TBCE: variants seen among roughly 807,000 people sequenced by gnomAD.
TBCE encodes tubulin folding cofactor E, also known as tubulin-specific chaperone E.
TBCE carries 53 observed loss-of-function variants against 77.0 expected under a neutral mutation model. That is an observed-to-expected ratio of 0.69 (90% CI 0.55 to 0.87). TBCE has a LOEUF of 0.87. TBCE is among the 40% of genes least tolerant of loss of function. TBCE has a pLI of 0.00. For synonymous variants in TBCE, 235 were observed against 241.3 expected, an observed-to-expected ratio of 0.97 and a Z score of 0.24; for missense variants, 624 against 622.4, an observed-to-expected ratio of 1.00 and a Z score of -0.03.
intron 11 of TBCE, 92 bp from the exon 12 acceptor site, chr1:235,437,230 C>G: frequency 6.6e-7 from 1 of 1,509,058 alleles, no homozygotes; most frequent in Non-Finnish European, 9.2e-7. Flanking sequence ...CAGATTAGAA[C>G]TAGGGACATG....
Position 235,448,363 on chromosome 1 carries a change from C to G in TBCE, c.1414C>G (p.Gln472Glu). ...EKQLPGSMTI[Q>E]KVKGLLSRLL... ...TCTTTTGATAGGCTCCATGACAATT[C>G]AAAAGGTGAAGGGATTGCTGTCACG... The change falls in exon 16 of 17, where the codon CAA (glutamine) becomes GAA (glutamate). Residue 472 changes from glutamine (Q) to glutamate (E), a missense_variant. Coordinates refer to ENST00000642610, the MANE Select transcript of TBCE (RefSeq NM_003193.5). 1 of 1,613,936 alleles carries G rather than the reference C, an allele frequency of 6.2e-7. No individual in the cohort carries two copies.
intron 2 of TBCE, among the ~76,000 whole-genome samples, chr1:235,392,561 C>G (rs558183043): frequency 7.3e-5 from 11 of 151,596 alleles, no homozygotes; most frequent in Admixed American, 2.0e-4. Context: ...CAGGCACCCC[C>G]CTCCATGCCC....
intron 7 of TBCE, among the ~76,000 whole-genome samples, chr1:235,432,495 C>T (rs1296439485): frequency 6.6e-6 from 1 of 151,648 alleles, no homozygotes; most frequent in Non-Finnish European, 1.5e-5. Context: ...AAGAAGGGGC[C>T]AGACACTGGC....
intron 13 of TBCE, among the ~76,000 whole-genome samples, chr1:235,439,586 C>G (rs1173819873): frequency 6.8e-6 from 1 of 146,000 alleles, no homozygotes; most frequent in Admixed American, 6.9e-5. Flanking sequence ...CTCCCGGGTT[C>G]AATTTATTCT....
chr1:235,450,568 T>C lies in TBCE; in HGVS notation c.*1806T>C. 1 of 496,468 alleles carries C rather than the reference T, an allele frequency of 2.0e-6. No individual in the cohort carries two copies. The highest frequency in any genetic ancestry group is 3.6e-6 in the Non-Finnish European group (1 of 276,048). The allele number at this position is 496,468 out of a possible 1,614,324, so 30.8% of individuals were successfully genotyped here. A position where few individuals can be genotyped will look rare whatever the true frequency, so the allele number is the denominator to read the frequency against. The stretch of plus-strand genomic sequence containing the variant: ...TGGAATACAGAAACAAGGCGGTGTG[T>C]GGATGAAGAGTTAGTCAACAAATGC... On this transcript the variant is annotated 3_prime_UTR_variant, in exon 17 of 17. Coordinates refer to ENST00000642610, the MANE Select transcript of TBCE (RefSeq NM_003193.5).
chr1:235,433,975 T>A (rs192699355), intron 7 of TBCE: 1 of 580,952 alleles, frequency 1.7e-6, no homozygotes, highest in East Asian at 2.9e-5. Context: ...CTCCAAGGCC[T>A]CAAAGTGCCC....
chr1:235,406,077 TATAA>T (rs529896040), intron 3 of TBCE, among the ~76,000 whole-genome samples: 19 of 152,346 alleles, frequency 1.2e-4, no homozygotes, highest in Admixed American at 7.9e-4. Context: ...ATTATCTTAT[TATAA>T]ATAACTTTTT....
chr1:235,396,304 C>T lies in TBCE; in HGVS notation c.101-5199C>T, dbSNP rs553994401. ...CGATCTCCTGACCTCATGATCTGCC[C>T]GCCTCTGCCTCCCAAAGTGCTGGGA... On this transcript the variant is annotated intron_variant, in intron 2 of 16. Transcript: ENST00000642610. Among the ~76,000 whole-genome samples, 8 of 151,660 alleles carry T rather than the reference C, an allele frequency of 5.3e-5. No homozygotes were observed. In the East Asian group the frequency reaches 9.8e-4, roughly 19 times the overall value.
chr1:235,374,083 A>G (rs1334318934), intron 1 of TBCE, among the ~76,000 whole-genome samples: 2 of 145,212 alleles, frequency 1.4e-5, no homozygotes, highest in East Asian at 1.9e-4. Flanking sequence ...AAGCCTCCAG[A>G]GTAGCTGGGA....
At chr1:235,415,177 C>T (rs1680043323) in intron 4 of TBCE, 7 of 156,206 alleles carry the variant, frequency 4.5e-5, no homozygotes, top group Admixed American at 4.3e-4. Flanking sequence ...TATTTTTATA[C>T]AGACAGGATC....
intron 15 of TBCE, among the ~76,000 whole-genome samples, chr1:235,444,140 T>C (rs1682082597): frequency 6.6e-6 from 1 of 152,268 alleles, no homozygotes; most frequent in Non-Finnish European, 1.5e-5. Context: ...AAGCTTATCA[T>C]GGTATTGCTT....
intron 1 of TBCE, among the ~76,000 whole-genome samples, chr1:235,379,805 T>A (rs141716977): frequency 2.0e-4 from 30 of 151,834 alleles, no homozygotes; most frequent in African/African-American, 7.2e-4. Context: ...AAAAATTGGC[T>A]GGGTGTGGTG....
chr1:235,440,446 C>G (rs1241143046), intron 13 of TBCE, among the ~76,000 whole-genome samples: 1 of 151,188 alleles, frequency 6.6e-6, no homozygotes, highest in Non-Finnish European at 1.5e-5. Context: ...AGACTGGAGT[C>G]CAATGGCGCG....
intron 3 of TBCE, among the ~76,000 whole-genome samples, chr1:235,411,469 G>C (rs1679779868): frequency 6.6e-6 from 1 of 152,164 alleles, no homozygotes; most frequent in Non-Finnish European, 1.5e-5. Context: ...TCCTTTCTGT[G>C]GTTCGCCAGA....
At chr1:235,368,861 C>A (rs1328487590) in intron 1 of TBCE, among the ~76,000 whole-genome samples, 11 of 152,080 alleles carry the variant, frequency 7.2e-5, no homozygotes. Context: ...CCACCGTGCC[C>A]AGCCCAGTCT....
At chr1:235,390,129 A>AG (rs1553332359) in intron 2 of TBCE, among the ~76,000 whole-genome samples, 2 of 152,076 alleles carry the variant, frequency 1.3e-5, no homozygotes, top group African/African-American at 4.8e-5. Flanking sequence ...GTCTCAAAAA[A>AG]AAAAAGAAAA....
chr1:235,408,293 TTAAAC>T (rs1679574812), intron 3 of TBCE, among the ~76,000 whole-genome samples: 1 of 152,202 alleles, frequency 6.6e-6, no homozygotes, highest in Admixed American at 6.6e-5. Context: ...AAATTAAAAA[TTAAAC>T]TAAAAAAAGA....
chr1:235,440,752 G>A (rs990464295), intron 13 of TBCE: 2 of 152,176 alleles, frequency 1.3e-5, no homozygotes, highest in African/African-American at 4.8e-5. Context: ...AAGTTCGTAT[G>A]AGTGTAGTTC....
rs779727090 is a variant in TBCE, at chr1:235,401,583, T to A, written c.181T>A (p.Cys61Ser). Residue 61 changes from cysteine (C) to serine (S), a missense_variant, in exon 3 of 17, where the codon TGC (cysteine) becomes AGC (serine). By Grantham distance (112) the Cys-to-Ser change is moderately radical. Coordinates refer to ENST00000642610, the MANE Select transcript of TBCE (RefSeq NM_003193.5). ...GSHEGTVYFK[C>S]RHPTGGSFIR... Reference sequence around the variant, plus strand: ...CCACGAAGGGACTGTGTATTTTAAATGCAGGTAACTTTTCATTATGAATCA... The same window carrying A: ...CCACGAAGGGACTGTGTATTTTAAAAGCAGGTAACTTTTCATTATGAATCA... 7 of 1,613,258 alleles carry A rather than the reference T, an allele frequency of 4.3e-6. No homozygotes were observed. In the East Asian group the frequency reaches 1.3e-4, roughly 31 times the overall value.
Sources: allele counts gnomAD v4.1 joint callset (sites outside exome capture counted in the v4.1 genomes callset), GRCh38; gene constraint gnomAD v4.1.1; transcripts MANE v1.5; gene names NCBI Gene and HGNC (gene_info 2026-07-23, HGNC 2026-07-21).